The following ADAMTS18 variants were observed in gnomAD, a reference collection of about 807,000 sequenced individuals.
ADAMTS18 encodes A disintegrin and metalloproteinase with thrombospondin motifs 18.
In ADAMTS18, 157 loss-of-function variants were observed where a neutral mutation model predicts 165.9. The ratio of observed to expected loss-of-function variants is 0.95; its 90% CI spans 0.83 to 1.08. The LOEUF (loss-of-function observed/expected upper bound fraction) is 1.08, where lower values mean the gene tolerates loss of function less well. Among genes scored for constraint, ADAMTS18 ranks in the 50% least tolerant of loss-of-function variants. ADAMTS18 has a pLI of 0.00. For missense variants in ADAMTS18, 2,040 were observed against 1,534.0 expected (o/e 1.33, Z -5.51); for synonymous variants, 782 against 578.2 (o/e 1.35, Z -5.06).
chr16:77,297,319 T>C lies in ADAMTS18; in HGVS notation c.2771A>G (p.Lys924Arg), dbSNP rs755511428. The C allele has an allele frequency of 1.2e-5, 20 of 1,614,082 alleles. No homozygotes were observed. In the South Asian group the frequency reaches 2.0e-4, roughly 16 times the overall value. Residue 924 changes from lysine to arginine, a missense_variant, in exon 18 of 23, where the codon AAA becomes AGA. By Grantham distance (26) the Lys-to-Arg change is conservative. Coordinates refer to ENST00000282849, the MANE Select transcript of ADAMTS18 (RefSeq NM_199355.4). Reference protein sequence around the residue: ...SAKTKPVTEPKICNAFSCPAY... With the variant: ...SAKTKPVTEPRICNAFSCPAY... ...CGGGCAGGAGAAAGCGTTGCAGATT[T>C]TGGGCTCAGTTACTGGCTTGGTTTT...
At chr16:77,388,370 G>C (rs1483669491) in intron 3 of ADAMTS18, among the ~76,000 whole-genome samples, 1 of 152,156 alleles carries the variant, frequency 6.6e-6, no homozygotes, top group Non-Finnish European at 1.5e-5. Flanking sequence ...AAAGTGCTGG[G>C]GTTACAGGTA....
rs1273140480 is a variant in ADAMTS18, at chr16:77,291,422, C to G, written c.3246G>C (p.Lys1082Asn). The G allele has an allele frequency of 6.2e-7, 1 of 1,614,198 alleles. No individual in the cohort carries two copies. Among genetic ancestry groups the G allele is most frequent in the Non-Finnish European group, 8.5e-7 (1 of 1,180,030 alleles). Residue 1082 changes from lysine to asparagine, a missense_variant, in exon 21 of 23, where the codon AAG (lysine) becomes AAC (asparagine). By Grantham distance (94) the Lys-to-Asn change is moderately conservative. Transcript: ENST00000282849. ...VRKREMKCSEKGFQGKLITFP... is the reference protein window; with the variant it reads ...VRKREMKCSENGFQGKLITFP... ...AAGTTATCAGCTTTCCCTGGAAGCC[C>G]TTCTCGCTGCACTTCATCTCCCTCT...
chr16:77,347,501 A>G (rs1481252888), intron 10 of ADAMTS18, among the ~76,000 whole-genome samples: 1 of 152,184 alleles, frequency 6.6e-6, no homozygotes, highest in Non-Finnish European at 1.5e-5. Context: ...TCTCCATTCC[A>G]GTCAGTGTGC....
chr16:77,318,803 T>C (rs1414020656), intron 16 of ADAMTS18, among the ~76,000 whole-genome samples: 2 of 152,132 alleles, frequency 1.3e-5, no homozygotes, highest in Admixed American at 6.5e-5. Context: ...GTGAAGTCCA[T>C]TTTCTACCTT....
chr16:77,325,360 A>C (rs2056074571), intron 13 of ADAMTS18, among the ~76,000 whole-genome samples: 1 of 152,190 alleles, frequency 6.6e-6, no homozygotes, highest in African/African-American at 2.4e-5. Context: ...CATAACTTTA[A>C]GTATAGTAAG....
chr16:77,301,803 A>G (rs1400522355), intron 16 of ADAMTS18, among the ~76,000 whole-genome samples: 1 of 152,242 alleles, frequency 6.6e-6, no homozygotes, highest in African/African-American at 2.4e-5. Context: ...GTAGAGCAAC[A>G]AAACAAATCT....
At chr16:77,305,237 GTA>G (rs1489630887) in intron 16 of ADAMTS18, among the ~76,000 whole-genome samples, 2 of 152,186 alleles carry the variant, frequency 1.3e-5, no homozygotes, top group Admixed American at 1.3e-4. Context: ...GTGACCAAGA[GTA>G]TCCTAGAAAT....
At chr16:77,291,598 G>A (rs182478090) in intron 20 of ADAMTS18, 120 bp from the exon 21 acceptor site, 1 of 995,614 alleles carries the variant, frequency 1.0e-6, no homozygotes, top group African/African-American at 1.6e-5. Context: ...GATTACACAA[G>A]GTCAACCACA....
intron 15 of ADAMTS18, among the ~76,000 whole-genome samples, chr16:77,320,445 C>T (rs1471513772): frequency 6.6e-6 from 1 of 152,112 alleles, no homozygotes; most frequent in African/African-American, 2.4e-5. Context: ...TTGAGACCAG[C>T]CTGGCCAGTG....
chr16:77,353,543 T>G (rs1354597773), intron 10 of ADAMTS18, among the ~76,000 whole-genome samples, 190 bp downstream of exon 10: 1 of 152,236 alleles, frequency 6.6e-6, no homozygotes, highest in African/African-American at 2.4e-5. Context: ...AGGCATGGTC[T>G]ATGTGGATAG....
chr16:77,395,786 G>A (rs2057249232), intron 3 of ADAMTS18, among the ~76,000 whole-genome samples: 1 of 152,056 alleles, frequency 6.6e-6, no homozygotes, highest in Non-Finnish European at 1.5e-5. Context: ...AATAGACAAT[G>A]GCAATAAGAC....
intron 3 of ADAMTS18, among the ~76,000 whole-genome samples, chr16:77,420,327 T>C (rs937324476): frequency 6.6e-6 from 1 of 152,094 alleles, no homozygotes; most frequent in Admixed American, 6.6e-5. Flanking sequence ...GATGATTGCA[T>C]CTCTAAAGCC....
chr16:77,302,249 G>C (rs1025314), intron 16 of ADAMTS18, among the ~76,000 whole-genome samples: 1 of 152,148 alleles, frequency 6.6e-6, no homozygotes, highest in Non-Finnish European at 1.5e-5. Flanking sequence ...TGTGAGAGCA[G>C]TTTTACATTC....
chr16:77,286,203 C>CATATGTGGTTCA (rs1484802363), intron 22 of ADAMTS18, among the ~76,000 whole-genome samples: 1 of 152,138 alleles, frequency 6.6e-6, no homozygotes, highest in Non-Finnish European at 1.5e-5. Context: ...CTCCTAGAGC[C>CATATGTGGTTCA]ATATGTGGTT....
At chr16:77,412,512 T>C (rs1041077897) in intron 3 of ADAMTS18, among the ~76,000 whole-genome samples, 1 of 152,056 alleles carries the variant, frequency 6.6e-6, no homozygotes, top group Non-Finnish European at 1.5e-5. Flanking sequence ...TCATGTATTA[T>C]AGAGATGGGG....
rs777742514 is a variant in ADAMTS18 at position 77,325,908 on chromosome 16, G to A, written c.1990C>T (p.Arg664Cys). Reference protein sequence around the residue: ...QCAEYNSKPFRGWFYQWKPYT... With the variant: ...QCAEYNSKPFCGWFYQWKPYT... ...GGTTTCCACTGGTAGAACCATCCAC[G>A]GAAAGGTTTGCTGTTATATTCTGCA... Residue 664 changes from arginine (R) to cysteine (C), a missense_variant, in exon 13 of 23, where the codon CGT becomes TGT. By Grantham distance (180) the Arg-to-Cys change is radical. Transcript: ENST00000282849. 3.1e-6 allele frequency: 5 copies of A among 1,613,952 alleles called. No individual in the cohort carries two copies. The highest frequency in any genetic ancestry group is 2.2e-5 in the South Asian group (2 of 91,070).
intron 3 of ADAMTS18, among the ~76,000 whole-genome samples, chr16:77,408,803 C>A (rs2057424361): frequency 6.6e-6 from 1 of 152,048 alleles, no homozygotes; most frequent in Admixed American, 6.6e-5. Flanking sequence ...TGGCCACTTT[C>A]TGAAAATCAA....
chr16:77,342,719 T>C (rs1770417012), intron 10 of ADAMTS18, among the ~76,000 whole-genome samples: 1 of 152,236 alleles, frequency 6.6e-6, no homozygotes, highest in Admixed American at 6.5e-5. Context: ...GATGTTCGCA[T>C]ACTAATCCTG....
chr16:77,370,790 GAT>G (rs148727471), intron 3 of ADAMTS18, among the ~76,000 whole-genome samples: 42 of 146,732 alleles, frequency 2.9e-4, no homozygotes, highest in Admixed American at 6.8e-4. Context: ...TAATAGCTAC[GAT>G]ATATATATAT....
Sources: gnomAD v4.1 joint callset for allele counts (sites outside exome capture counted in the v4.1 genomes callset) on GRCh38, gnomAD v4.1.1 for gene constraint, MANE v1.5 for transcripts, NCBI Gene and HGNC (gene_info 2026-07-23, HGNC 2026-07-21) for gene names.